TFEC: variants seen among roughly 807,000 people sequenced by gnomAD.
The protein encoded by TFEC is class E basic helix-loop-helix protein 34.
A neutral mutation model predicts 41.6 loss-of-function variants in TFEC; 31 were observed. The observed-to-expected ratio is 0.74, with a 90% CI of 0.56 to 1.01. The LOEUF (loss-of-function observed/expected upper bound fraction) is 1.01, where lower values mean the gene tolerates loss of function less well. TFEC is among the 50% of genes least tolerant of loss of function. TFEC has a pLI of 0.00. For missense variants in TFEC, 402 were observed against 404.1 expected (o/e 0.99, Z 0.04); for synonymous variants, 143 against 140.6 (o/e 1.02, Z -0.12).
chr7:116,064,942 G>C (rs896693975), intron 3 of TFEC, among the ~76,000 whole-genome samples: 1 of 152,084 alleles, frequency 6.6e-6, no homozygotes, highest in Non-Finnish European at 1.5e-5. Flanking sequence ...TAAAACCATG[G>C]AGATTAATTG....
In TFEC at chr7:116,134,777, T is replaced by C. The variant is rs988691945; in HGVS notation, c.-68-22739A>G. 6.6e-5 allele frequency among the ~76,000 whole-genome samples: 10 copies of C among 152,282 alleles called. 1 individual carries two copies. The highest frequency in any genetic ancestry group is 3.4e-3 in the Middle Eastern group (1 of 294). On this transcript the variant is annotated intron_variant, in intron 1 of 8. Coordinates refer to the TFEC transcript ENST00000484212. The stretch of plus-strand genomic sequence containing the variant: ...TTAATGGAAAACAAAAGGTATGCTA[T>C]AGCTTTGTGGTAGAGTGGAAATAAA...
At chr7:116,028,913 T>A (rs2130883420) in intron 1 of TFEC, among the ~76,000 whole-genome samples, 1 of 148,320 alleles carries the variant, frequency 6.7e-6, no homozygotes, top group Non-Finnish European at 1.5e-5. Context: ...TTTTCAAAAC[T>A]ATTTTTACTT....
chr7:116,005,968 C>A lies in TFEC; in HGVS notation c.-72-21455G>T, dbSNP rs539057250. ...TGCTTCAGAGGGCGGAAGCCCCAAG[C>A]CTTGGCAGCTTCCATGAGGTGTTGA... On this transcript the variant is annotated intron_variant, in intron 1 of 7. Transcript: ENST00000265440. Among the ~76,000 whole-genome samples, 10 of 152,336 alleles carry A rather than the reference C, an allele frequency of 6.6e-5. No homozygotes were observed. In the South Asian group the frequency reaches 2.1e-3, roughly 32 times the overall value.
At chr7:116,136,648 C>A (rs895791818) in intron 1 of TFEC, among the ~76,000 whole-genome samples, 1 of 151,776 alleles carries the variant, frequency 6.6e-6, no homozygotes, top group Non-Finnish European at 1.5e-5. Context: ...AATGTTAACT[C>A]ATTGACTTTC....
intron 1 of TFEC, among the ~76,000 whole-genome samples, chr7:116,010,816 C>T (rs769626945): frequency 5.9e-5 from 9 of 152,216 alleles, no homozygotes; most frequent in Middle Eastern, 3.4e-3. Flanking sequence ...AAAGTCTGTG[C>T]GTGTTACACT....
chr7:116,112,667 T>G (rs959658138), intron 1 of TFEC, among the ~76,000 whole-genome samples: 10 of 151,866 alleles, frequency 6.6e-5, no homozygotes, highest in African/African-American at 2.4e-4. Context: ...CCAGGAGCAA[T>G]GGATATATGT....
chr7:116,039,224 C>A (rs1364599470), intron 3 of TFEC, among the ~76,000 whole-genome samples: 1 of 151,906 alleles, frequency 6.6e-6, no homozygotes, highest in Non-Finnish European at 1.5e-5. Context: ...TCTATAATGT[C>A]ATATAAGAAA....
At chr7:115,992,954 A>G (rs1480329421) in intron 1 of TFEC, among the ~76,000 whole-genome samples, 6 of 152,246 alleles carry the variant, frequency 3.9e-5, no homozygotes, top group African/African-American at 1.4e-4. Flanking sequence ...AAAAATCCTC[A>G]GTAAAATACT....
At chr7:115,984,126 A>C (rs1562911031) in intron 2 of TFEC, 136 bp downstream of exon 2, 1 of 1,104,174 alleles carries the variant, frequency 9.1e-7, no homozygotes, top group East Asian at 2.6e-5. Context: ...TAAATAGAGA[A>C]TAATTAATTA....
intron 3 of TFEC, among the ~76,000 whole-genome samples, chr7:116,096,859 A>G (rs1797473688): frequency 1.3e-5 from 2 of 152,190 alleles, no homozygotes; most frequent in Non-Finnish European, 2.9e-5. Context: ...TGGGAGGCCG[A>G]AGAGGGCAGA....
chr7:116,001,617 C>G (rs1416996371), intron 1 of TFEC, among the ~76,000 whole-genome samples: 1 of 151,856 alleles, frequency 6.6e-6, no homozygotes, highest in African/African-American at 2.4e-5. Flanking sequence ...ATCCCACAAG[C>G]ACAGGCAACC....
At chr7:115,948,579 C>A (rs1791743160) in intron 6 of TFEC, among the ~76,000 whole-genome samples, 1 of 152,108 alleles carries the variant, frequency 6.6e-6, no homozygotes, top group African/African-American at 2.4e-5. Flanking sequence ...GGCATATAAA[C>A]TGAACCAAAG....
intron 3 of TFEC, among the ~76,000 whole-genome samples, chr7:116,062,983 T>C (rs1423950295): frequency 6.6e-6 from 1 of 152,172 alleles, no homozygotes; most frequent in Non-Finnish European, 1.5e-5. Flanking sequence ...TTCTTGCAAA[T>C]ATTTAGACAC....
At chr7:116,002,213 A>C (rs1794625829) in intron 1 of TFEC, among the ~76,000 whole-genome samples, 1 of 152,294 alleles carries the variant, frequency 6.6e-6, no homozygotes, top group African/African-American at 2.4e-5. Context: ...TATCAAAGAG[A>C]TATCTGCACT....
chr7:115,974,212 A>C lies in TFEC; in HGVS notation c.225T>G (p.Phe75Leu). Reference sequence around the variant, plus strand: ...GAGGAGAGTCTGCTCCTTCCTCTTTAAAACTTGATTCCATACCGATTATAT... The same window carrying C: ...GAGGAGAGTCTGCTCCTTCCTCTTTCAAACTTGATTCCATACCGATTATAT... The part of the protein sequence containing the change: ...IEDIIGMESS[F>L]KEEGADSPLL... Residue 75 changes from phenylalanine to leucine, a missense_variant, in exon 3 of 8, where the codon TTT (phenylalanine) becomes TTG (leucine). Coordinates refer to ENST00000265440, the MANE Select transcript of TFEC (RefSeq NM_012252.4). The C allele has an allele frequency of 6.3e-7, 1 of 1,595,974 alleles. No homozygotes were observed. The highest frequency in any genetic ancestry group is 8.5e-7 in the Non-Finnish European group (1 of 1,172,142).
chr7:115,954,669 C>G, intron 4 of TFEC, 27 bp from the exon 5 acceptor site: 1 of 1,594,886 alleles, frequency 6.3e-7, no homozygotes, highest in Admixed American at 1.7e-5. Flanking sequence ...TAATAAAAAC[C>G]ATGCTTAGTT....
At chr7:116,134,524 ATT>A (rs1400514559) in intron 1 of TFEC, among the ~76,000 whole-genome samples, 1 of 151,956 alleles carries the variant, frequency 6.6e-6, no homozygotes, top group Non-Finnish European at 1.5e-5. Flanking sequence ...GGTCTCTGAA[ATT>A]TTTTTTATTC....
At chr7:116,095,437 C>CACACGT (rs1235934863) in intron 3 of TFEC, among the ~76,000 whole-genome samples, 1 of 152,132 alleles carries the variant, frequency 6.6e-6, no homozygotes, top group Admixed American at 6.5e-5. Flanking sequence ...CATATACATA[C>CACACGT]ACACATACAC....
chr7:116,151,111 A>C (rs1030796913), intron 1 of TFEC, among the ~76,000 whole-genome samples: 1 of 152,230 alleles, frequency 6.6e-6, no homozygotes, highest in Non-Finnish European at 1.5e-5. Flanking sequence ...AATCAGTAGC[A>C]TATGAAAATA....
Sources: allele counts gnomAD v4.1 joint callset (sites outside exome capture counted in the v4.1 genomes callset), GRCh38; gene constraint gnomAD v4.1.1; transcripts MANE v1.5; gene names NCBI Gene and HGNC (gene_info 2026-07-23, HGNC 2026-07-21).